WNK3: variants seen among roughly 807,000 people sequenced by gnomAD.
The protein encoded by WNK3 is serine/threonine-protein kinase WNK3.
Under a neutral mutation model 116.7 loss-of-function variants are expected in WNK3, and 18 were observed. The ratio of observed to expected loss-of-function variants is 0.15; its 90% CI spans 0.11 to 0.23. The LOEUF is 0.23. WNK3 is among the 10% of genes least tolerant of loss of function. The pLI is 1.00. For synonymous variants in WNK3, 404 were observed against 469.4 expected, an observed-to-expected ratio of 0.86 and a Z score of 1.80; for missense variants, 993 against 1,323.8, an observed-to-expected ratio of 0.75 and a Z score of 3.88.
intron 1 of WNK3, among the ~76,000 whole-genome samples, chrX:54,354,065 G>A (rs1461792063): frequency 3.8e-5 from 4 of 106,027 alleles, no homozygotes; most frequent in African/African-American, 1.4e-4. Flanking sequence ...CAGCCTGGGT[G>A]ACAGAGCAAA....
chrX:54,211,964 C>T (rs2067620634), intron 22 of WNK3, among the ~76,000 whole-genome samples: 1 of 111,598 alleles, frequency 9.0e-6, no homozygotes, highest in Non-Finnish European at 1.9e-5. Flanking sequence ...CTGTGGCTTA[C>T]GCCTGTAATC....
At chrX:54,238,103 C>T (rs1223247843) in intron 19 of WNK3, among the ~76,000 whole-genome samples, 2 of 110,117 alleles carry the variant, frequency 1.8e-5, no homozygotes, top group Non-Finnish European at 3.8e-5. Context: ...TGTGGTGGCG[C>T]GCACTTGTAA....
At chrX:54,261,217 G>C (rs782327295) in intron 10 of WNK3, among the ~76,000 whole-genome samples, 1 of 109,606 alleles carries the variant, frequency 9.1e-6, no homozygotes, top group South Asian at 4.1e-4. Flanking sequence ...AAGTTACAGT[G>C]ACCTATGATT....
Position 54,248,677 on chromosome X carries a change from T to C in WNK3, c.3651+20A>G, listed in dbSNP as rs1408594391. The C allele has an allele frequency of 5.2e-6, 6 of 1,149,085 alleles. No individual in the cohort carries two copies. The highest frequency in any genetic ancestry group is 7.0e-6 in the Non-Finnish European group (6 of 853,088). The allele number at this position is 1,149,085 out of a possible 1,213,427, so 94.7% of individuals were successfully genotyped here. A position where few individuals can be genotyped will look rare whatever the true frequency, so the allele number is the denominator to read the frequency against. On this transcript the variant is annotated intron_variant, in intron 17 of 23. Transcript: ENST00000354646. The stretch of plus-strand genomic sequence containing the variant: ...CAATAAGCAAAGAGTAAGGAATTGG[T>C]TAGAAAGAATGATACTTACATGTAA...
intron 17 of WNK3, among the ~76,000 whole-genome samples, chrX:54,240,893 T>C (rs1268589950): frequency 9.0e-6 from 1 of 111,648 alleles, no homozygotes; most frequent in South Asian, 3.8e-4. Flanking sequence ...CTACCATATA[T>C]AGGTTTAGTA....
At chrX:54,210,396 G>A (rs1557143519) in intron 22 of WNK3, among the ~76,000 whole-genome samples, 1 of 112,312 alleles carries the variant, frequency 8.9e-6, no homozygotes, top group East Asian at 2.8e-4. Context: ...AGAGGTGGGA[G>A]GATTGCTTGA....
chrX:54,321,394 T>G (rs1557172219), intron 2 of WNK3, among the ~76,000 whole-genome samples: 1 of 111,725 alleles, frequency 9.0e-6, no homozygotes. Context: ...CGCTGAATTC[T>G]GAATCCAAAG....
At position 54,353,134 on chromosome X, in the gene WNK3, T is replaced by A. The variant is rs781908118; in HGVS notation, c.-120+4552A>T. On this transcript the variant is annotated intron_variant, in intron 1 of 23. Coordinates refer to ENST00000354646, the Ensembl canonical transcript of WNK3. ...AGCTGCACAACATTGTGAAGTTACC[T>A]AATGCCACTGTACAACTGTACACTT... Among the ~76,000 whole-genome samples, 4 of 112,044 alleles carry A rather than the reference T, an allele frequency of 3.6e-5. No homozygotes were observed. The East Asian group carries it at 1.1e-3, about 31-fold the overall frequency.
intron 10 of WNK3, 66 bp downstream of exon 10, chrX:54,292,822 T>C: frequency 9.3e-7 from 1 of 1,076,810 alleles, no homozygotes; most frequent in East Asian, 3.1e-5. Context: ...AACTTTTGCC[T>C]GTCAGAAAAT....
chrX:54,312,810 G>A (rs1423150059), intron 2 of WNK3, among the ~76,000 whole-genome samples: 1 of 111,067 alleles, frequency 9.0e-6, no homozygotes, highest in East Asian at 2.8e-4. Flanking sequence ...TTTTCAGAAA[G>A]CCCAAAATAA....
At chrX:54,273,320 C>T (rs988069868) in intron 10 of WNK3, among the ~76,000 whole-genome samples, 2 of 111,827 alleles carry the variant, frequency 1.8e-5, no homozygotes, top group East Asian at 2.8e-4. Flanking sequence ...TGGCCGGGTA[C>T]GGTGGCTCAC....
intron 21 of WNK3, among the ~76,000 whole-genome samples, chrX:54,231,788 C>T (rs188340256): frequency 5.1e-4 from 57 of 110,894 alleles, no homozygotes; most frequent in African/African-American, 1.7e-3. Flanking sequence ...TGGACGTTTT[C>T]GGGGGGAATT....
chrX:54,263,033 G>A (rs1557156962), intron 10 of WNK3, among the ~76,000 whole-genome samples: 1 of 110,678 alleles, frequency 9.0e-6, no homozygotes, highest in African/African-American at 3.3e-5. Flanking sequence ...CCCCTAACTG[G>A]TTCTGAGGTC....
chrX:54,212,971 C>G (rs2067632710), intron 22 of WNK3, among the ~76,000 whole-genome samples: 2 of 110,418 alleles, frequency 1.8e-5, no homozygotes, highest in African/African-American at 6.6e-5. Context: ...CTCAAGCACT[C>G]AAATCTTGGT....
intron 10 of WNK3, among the ~76,000 whole-genome samples, chrX:54,291,748 T>C (rs111612678): frequency 0.013 from 1,404 of 112,157 alleles, 21 homozygotes; most frequent in African/African-American, 0.044. Context: ...GACTGGGCTC[T>C]TTGAGGGCAA....
At chrX:54,293,443 A>C (rs2068662808) in intron 8 of WNK3, 116 bp from the exon 9 acceptor site, 1 of 479,611 alleles carries the variant, frequency 2.1e-6, no homozygotes, top group Admixed American at 4.8e-5. Context: ...AACCTGACAT[A>C]GCTTCAAATA....
At chrX:54,339,201 C>T (rs1557175987) in intron 1 of WNK3, among the ~76,000 whole-genome samples, 1 of 110,474 alleles carries the variant, frequency 9.1e-6, no homozygotes, top group African/African-American at 3.3e-5. Context: ...TTAATAAAAA[C>T]TGACAAAACT....
At chrX:54,209,387 C>T (rs781977096) in intron 22 of WNK3, among the ~76,000 whole-genome samples, 26 of 101,836 alleles carry the variant, frequency 2.6e-4, no homozygotes, top group African/African-American at 9.3e-4. Flanking sequence ...CACACCACTG[C>T]ACCCCAGCCT....
chrX:54,317,724 C>A (rs1258650675), intron 2 of WNK3, among the ~76,000 whole-genome samples: 1 of 107,719 alleles, frequency 9.3e-6, no homozygotes, highest in Non-Finnish European at 1.9e-5. Context: ...CTCCGCCTCC[C>A]GGGTTCACGC....
Sources: allele counts gnomAD v4.1 joint callset (sites outside exome capture counted in the v4.1 genomes callset), GRCh38; gene constraint gnomAD v4.1.1; transcripts MANE v1.5; gene names NCBI Gene and HGNC (gene_info 2026-07-23, HGNC 2026-07-21).